Variants in TMEM132D observed in about 807,000 individuals in gnomAD.
TMEM132D encodes the protein transmembrane protein 132D.
TMEM132D carries 21 observed loss-of-function variants against 62.3 expected under a neutral mutation model. That is an observed-to-expected ratio of 0.34 (90% CI 0.24 to 0.49). The LOEUF is 0.49. Among genes scored for constraint, TMEM132D ranks in the 20% least tolerant of loss-of-function variants. The probability of loss-of-function intolerance (pLI) is 0.99; values close to 1 mark genes in which losing one functional copy is unlikely to be tolerated. For synonymous variants in TMEM132D, 621 were observed against 575.6 expected (o/e 1.08, Z -1.13); for missense variants, 1,346 against 1,402.8 (o/e 0.96, Z 0.65).
At chr12:129,227,477 A>T (rs1879512592) in intron 4 of TMEM132D, among the ~76,000 whole-genome samples, 1 of 149,766 alleles carries the variant, frequency 6.7e-6, no homozygotes. Flanking sequence ...AGAAAGCCAC[A>T]TGAATGAGTT....
chr12:129,246,937 A>C (rs1362848972), intron 4 of TMEM132D, among the ~76,000 whole-genome samples: 1 of 152,216 alleles, frequency 6.6e-6, no homozygotes, highest in Non-Finnish European at 1.5e-5. Flanking sequence ...GGGCCTTTTT[A>C]AGGTTCAGAA....
chr12:129,594,510 C>CA (rs1479499006), intron 2 of TMEM132D, among the ~76,000 whole-genome samples: 4 of 152,266 alleles, frequency 2.6e-5, no homozygotes, highest in African/African-American at 9.6e-5. Flanking sequence ...TCCATTAAGC[C>CA]AAAATGTATA....
chr12:129,887,949 A>AT (rs950887246), intron 1 of TMEM132D, among the ~76,000 whole-genome samples: 33 of 151,602 alleles, frequency 2.2e-4, no homozygotes, highest in South Asian at 2.1e-3. Flanking sequence ...GTAAGCTGGG[A>AT]TTTTTTTTTA....
rs571757964 is a variant in TMEM132D at position 129,151,753 on chromosome 12, G to A, written c.1443+57767C>T. On this transcript the variant is annotated intron_variant, in intron 5 of 8. Coordinates refer to ENST00000422113, the MANE Select transcript of TMEM132D (RefSeq NM_133448.3). ...GAGGGCTTTCCAGATGTTGCCCCCC[G>A]TCTTCTGTCTGCTTCTCTTCTGATT... Among the ~76,000 whole-genome samples the A allele has an allele frequency of 1.2e-3, 179 of 152,144 alleles. 1 individual carries two copies. The highest frequency in any genetic ancestry group is 4.0e-3 in the African/African-American group (167 of 41,512).
chr12:129,731,602 G>A (rs930734427), intron 1 of TMEM132D, among the ~76,000 whole-genome samples: 1 of 152,102 alleles, frequency 6.6e-6, no homozygotes, highest in African/African-American at 2.4e-5. Context: ...AATGCAACAC[G>A]TTACTGAAGG....
At position 129,299,023 on chromosome 12, in the gene TMEM132D, G is replaced by T. The variant is rs570991118; in HGVS notation, c.1299+38611C>A. 7.2e-5 allele frequency among the ~76,000 whole-genome samples: 11 copies of T among 152,192 alleles called. No individual in the cohort carries two copies. The East Asian group carries it at 2.1e-3, about 29-fold the overall frequency. Reference sequence around the variant, plus strand: ...AACCTCAACTTTCCTTCATAAAACCGACTTCACTGCACTCTCAGGCCAAGC... The same window carrying T: ...AACCTCAACTTTCCTTCATAAAACCTACTTCACTGCACTCTCAGGCCAAGC... On this transcript the variant is annotated intron_variant, in intron 4 of 8. Coordinates refer to ENST00000422113, the MANE Select transcript of TMEM132D (RefSeq NM_133448.3).
rs143660206 is a variant in TMEM132D, at chr12:129,414,645, T to C, written c.1116-76828A>G. Among the ~76,000 whole-genome samples, 98 of 152,362 alleles carry C rather than the reference T, an allele frequency of 6.4e-4. 1 individual carries two copies. The highest frequency in any genetic ancestry group is 2.3e-3 in the African/African-American group (95 of 41,588). On this transcript the variant is annotated intron_variant, in intron 3 of 8. Coordinates refer to ENST00000422113, the MANE Select transcript of TMEM132D (RefSeq NM_133448.3). ...TCACTTCACCTAGTTACCATTTTTC[T>C]TTTGGTCTGGTAAGAACACTTGAGA...
intron 1 of TMEM132D, among the ~76,000 whole-genome samples, chr12:129,843,876 C>G (rs561023933): frequency 2.6e-5 from 4 of 151,860 alleles, no homozygotes; most frequent in Non-Finnish European, 5.9e-5. Context: ...ATTGCTTGAG[C>G]CCAGGAGTTC....
At chr12:129,571,549 G>C (rs1191117272) in intron 2 of TMEM132D, among the ~76,000 whole-genome samples, 2 of 151,856 alleles carry the variant, frequency 1.3e-5, no homozygotes, top group Non-Finnish European at 2.9e-5. Context: ...CTCCAGCCTG[G>C]GTAACAGAAT....
intron 4 of TMEM132D, among the ~76,000 whole-genome samples, chr12:129,332,847 C>A (rs1869152632): frequency 6.6e-6 from 1 of 152,004 alleles, no homozygotes; most frequent in Non-Finnish European, 1.5e-5. Flanking sequence ...AATGTGGTTA[C>A]CGGTGTCTGG....
intron 2 of TMEM132D, among the ~76,000 whole-genome samples, chr12:129,607,615 CCAGA>C (rs1878661337): frequency 6.6e-6 from 1 of 152,152 alleles, no homozygotes; most frequent in East Asian, 1.9e-4. Context: ...ACCCAGGAGG[CCAGA>C]CAAAGGGCCA....
chr12:129,077,575 CAT>C (rs1397024957), intron 8 of TMEM132D, among the ~76,000 whole-genome samples: 3 of 152,026 alleles, frequency 2.0e-5, no homozygotes, highest in Non-Finnish European at 2.9e-5. Context: ...CACACATACA[CAT>C]ATACATGCAC....
intron 2 of TMEM132D, among the ~76,000 whole-genome samples, chr12:129,617,354 C>G (rs1878947219): frequency 1.3e-5 from 2 of 152,296 alleles, no homozygotes; most frequent in Middle Eastern, 3.4e-3. Context: ...CCTACTCAAC[C>G]CAGTTGTTGT....
At chr12:129,233,398 C>T (rs1350776166) in intron 4 of TMEM132D, among the ~76,000 whole-genome samples, 1 of 152,006 alleles carries the variant, frequency 6.6e-6, no homozygotes, top group African/African-American at 2.4e-5. Context: ...GATTATTTAC[C>T]CTTTGAAAAT....
chr12:129,380,570 C>CGT (rs1324824981), intron 3 of TMEM132D, among the ~76,000 whole-genome samples: 1 of 141,398 alleles, frequency 7.1e-6, no homozygotes, highest in Admixed American at 7.1e-5. Context: ...TGTGTGTGTG[C>CGT]GTGTGTGTGT....
chr12:129,848,299 A>G (rs1873428257), intron 1 of TMEM132D, among the ~76,000 whole-genome samples: 1 of 152,212 alleles, frequency 6.6e-6, no homozygotes, highest in Non-Finnish European at 1.5e-5. Context: ...AAAGATTTCC[A>G]GGGCATATGG....
At chr12:129,561,675 C>T (rs944881526) in intron 2 of TMEM132D, among the ~76,000 whole-genome samples, 2 of 152,174 alleles carry the variant, frequency 1.3e-5, no homozygotes, top group African/African-American at 4.8e-5. Flanking sequence ...TATGCATCAC[C>T]ATGAAAGAAG....
intron 2 of TMEM132D, among the ~76,000 whole-genome samples, chr12:129,658,530 C>T (rs544600233): frequency 6.6e-6 from 1 of 152,164 alleles, no homozygotes; most frequent in African/African-American, 2.4e-5. Context: ...TTCAAATTCT[C>T]TGCTACTCTT....
At chr12:129,425,268 C>A (rs899255934) in intron 3 of TMEM132D, among the ~76,000 whole-genome samples, 9 of 152,130 alleles carry the variant, frequency 5.9e-5, no homozygotes, top group Non-Finnish European at 1.3e-4. Flanking sequence ...AGATATCTAG[C>A]ACTTGAAACT....
Sources: gnomAD v4.1 joint callset for allele counts (sites outside exome capture counted in the v4.1 genomes callset) on GRCh38, gnomAD v4.1.1 for gene constraint, MANE v1.5 for transcripts, NCBI Gene and HGNC (gene_info 2026-07-23, HGNC 2026-07-21) for gene names.